The following SSC5D variants were observed in gnomAD, a reference collection of about 807,000 sequenced individuals.
SSC5D encodes the protein soluble scavenger receptor cysteine-rich domain-containing protein SSC5D.
SSC5D carries 106 observed loss-of-function variants against 104.6 expected under a neutral mutation model. The observed-to-expected ratio is 1.01, with a 90% CI of 0.87 to 1.19. The LOEUF (loss-of-function observed/expected upper bound fraction) is 1.19, where lower values mean the gene tolerates loss of function less well. Among genes scored for constraint, SSC5D ranks in the 50% most tolerant of loss-of-function variants. SSC5D has a pLI of 0.00. For missense variants in SSC5D, 1,993 were observed against 2,153.8 expected (o/e 0.93, Z 1.48); for synonymous variants, 860 against 883.5 (o/e 0.97, Z 0.47).
chr19:55,510,728 A>G lies in SSC5D; in HGVS notation c.2786-2283A>G, dbSNP rs142949642. ...TCTTTTTTCTTTTTTAATTAATAGT[A>G]CCACTAATGGTGGTGTTTTTGTTTT... On this transcript the variant is annotated intron_variant, in intron 12 of 13. Transcript: ENST00000389623. Among the ~76,000 whole-genome samples the G allele has an allele frequency of 1.2e-3, 180 of 151,700 alleles. 2 individuals carry two copies. The highest frequency in any genetic ancestry group is 3.7e-3 in the Admixed American group (57 of 15,200).
In SSC5D at chr19:55,498,081, T is replaced by C. The variant is rs964844532; in HGVS notation, c.1589T>C (p.Ile530Thr). Residue 530 changes from isoleucine to threonine, a missense_variant, in exon 9 of 14, where the codon ATC becomes ACC. Ile to Thr is a moderately conservative substitution (Grantham distance 89). Around this residue, in one of 6 missense-constraint regions of SSC5D, gnomAD observed 1,101 missense variants for 1,085.0 expected, o/e 1.01. Transcript: ENST00000389623. ...CGCTTTGGCTGGGGTGCGGGCCCCA[T>C]CTGGCTAGATGATGTGGGCTGTGTG... ...AGRFGWGAGPIWLDDVGCVGT... is the reference protein window; with the variant it reads ...AGRFGWGAGPTWLDDVGCVGT... 8 of 1,551,480 alleles carry C rather than the reference T, an allele frequency of 5.2e-6. No homozygotes were observed. Among genetic ancestry groups the C allele is most frequent in the Non-Finnish European group, 7.0e-6 (8 of 1,146,968 alleles).
At chr19:55,506,556 G>A (rs558803918) in intron 12 of SSC5D, among the ~76,000 whole-genome samples, 4 of 151,748 alleles carry the variant, frequency 2.6e-5, no homozygotes, top group Admixed American at 1.3e-4. Flanking sequence ...CACTATGCCC[G>A]GCTAATTTTT....
In SSC5D at chr19:55,489,378, C is replaced by A; in HGVS notation, c.77C>A (p.Pro26His). Residue 26 changes from proline to histidine, a missense_variant, in exon 3 of 14, where the codon CCC (proline) becomes CAC (histidine). By Grantham distance (77) the Pro-to-His change is moderately conservative (BLOSUM62 -2). Around this residue, in one of 6 missense-constraint regions of SSC5D, gnomAD observed 1,101 missense variants for 1,085.0 expected, o/e 1.01. Coordinates refer to ENST00000389623, the MANE Select transcript of SSC5D (RefSeq NM_001144950.2). ...GAGCGCCTGCGCCTGGCCGATGGCCCCCATGGGTGCGCTGGCCGCCTGGAG... is the reference window on the plus strand; with the variant it reads ...GAGCGCCTGCGCCTGGCCGATGGCCACCATGGGTGCGCTGGCCGCCTGGAG... ...AVERLRLADG[P>H]HGCAGRLEVW... is the part of the protein sequence containing the mutation. The A allele has an allele frequency of 6.8e-7, 1 of 1,475,224 alleles. No homozygotes were observed. 91.4% of individuals were successfully genotyped at this position (1,475,224 alleles called of 1,614,324 possible).
intron 12 of SSC5D, among the ~76,000 whole-genome samples, chr19:55,501,602 T>C (rs1832944536): frequency 6.6e-6 from 1 of 152,164 alleles, no homozygotes; most frequent in Admixed American, 6.5e-5. Context: ...GGGCCTGGTA[T>C]GGCTCAGAGG....
Position 55,488,569 on chromosome 19 carries a change from T to C in SSC5D, c.-21T>C. 6.8e-7 allele frequency: 1 copy of C among 1,459,904 alleles called. No homozygotes were observed. Among genetic ancestry groups the C allele is most frequent in the Non-Finnish European group, 9.2e-7 (1 of 1,088,972 alleles). The allele number at this position is 1,459,904 out of a possible 1,614,324, so 90.4% of individuals were successfully genotyped here. On this transcript the variant is annotated 5_prime_UTR_variant, in exon 1 of 14. Coordinates refer to ENST00000389623, the MANE Select transcript of SSC5D (RefSeq NM_001144950.2). Reference sequence around the variant, plus strand: ...CCGCTCTCCTTCCCCTTTCACCCCATCCCCTGCCCTGGCTGCAACCATGAG... The same window carrying C: ...CCGCTCTCCTTCCCCTTTCACCCCACCCCCTGCCCTGGCTGCAACCATGAG...
In SSC5D at chr19:55,503,067, C is replaced by T. The variant is rs1402998660; in HGVS notation, c.2785+1866C>T. 2.6e-5 allele frequency among the ~76,000 whole-genome samples: 4 copies of T among 152,064 alleles called. No individual in the cohort carries two copies. In the East Asian group the frequency reaches 5.8e-4, roughly 22 times the overall value. On this transcript the variant is annotated intron_variant, in intron 12 of 13. Coordinates refer to ENST00000389623, the MANE Select transcript of SSC5D (RefSeq NM_001144950.2). This position sits in a 1 kb window ranked among gnomAD's most constrained non-coding sequence, Gnocchi z 4.0. ...TGACCTCGTGATCCGCCTGCCTCGGCCTCCCAAAGTGCTGGGATTACAGGG... is the reference window on the plus strand; with the variant it reads ...TGACCTCGTGATCCGCCTGCCTCGGTCTCCCAAAGTGCTGGGATTACAGGG...
In SSC5D at chr19:55,498,074, G is replaced by A. The variant is rs1987372851; in HGVS notation, c.1582G>A (p.Gly528Ser). Reference sequence around the variant, plus strand: ...TGCTGGCCGCTTTGGCTGGGGTGCGGGCCCCATCTGGCTAGATGATGTGGG... The same window carrying A: ...TGCTGGCCGCTTTGGCTGGGGTGCGAGCCCCATCTGGCTAGATGATGTGGG... ...PAAGRFGWGA[G>S]PIWLDDVGCV... is the part of the protein sequence containing the mutation. Residue 528 changes from glycine to serine, a missense_variant, in exon 9 of 14, where the codon GGC becomes AGC. By Grantham distance (56) the Gly-to-Ser change is moderately conservative (BLOSUM62 0). This residue lies in a region of SSC5D where 1,101 missense variants were observed against 1,085.0 expected (regional missense o/e 1.01). Transcript: ENST00000389623. The A allele has an allele frequency of 6.4e-7, 1 of 1,551,620 alleles. No homozygotes were observed. Among genetic ancestry groups the A allele is most frequent in the East Asian group, 2.4e-5 (1 of 40,910 alleles).
chr19:55,518,819 C>A lies in SSC5D; in HGVS notation c.4543C>A (p.Arg1515=). Residue 1515 remains arginine, a synonymous_variant, in exon 14 of 14, where the codon CGG becomes AGG. Coordinates refer to ENST00000389623, the MANE Select transcript of SSC5D (RefSeq NM_001144950.2). ...QRLTQVVEQE[R]QERQALLLGL... Reference sequence around the variant, plus strand: ...ACTGACCCAGGTCGTGGAACAGGAGCGGCAGGAGCGCCAAGCCCTGCTGCT... The same window carrying A: ...ACTGACCCAGGTCGTGGAACAGGAGAGGCAGGAGCGCCAAGCCCTGCTGCT... 1.9e-6 allele frequency: 3 copies of A among 1,550,328 alleles called. No individual in the cohort carries two copies. The highest frequency in any genetic ancestry group is 2.6e-6 in the Non-Finnish European group (3 of 1,146,972).
At chr19:55,507,310 C>T (rs1281116327) in intron 12 of SSC5D, among the ~76,000 whole-genome samples, 1 of 140,814 alleles carries the variant, frequency 7.1e-6, no homozygotes, top group East Asian at 2.1e-4. Flanking sequence ...AGCCACTGCA[C>T]TGCAGCCTGG....
intron 8 of SSC5D, among the ~76,000 whole-genome samples, chr19:55,495,029 C>A (rs1987275062): frequency 6.6e-6 from 1 of 151,424 alleles, no homozygotes; most frequent in East Asian, 1.9e-4. Flanking sequence ...TGTAGCCAGT[C>A]CTGGATAAGA....
In SSC5D at chr19:55,518,765, G is replaced by A. The variant is rs1224583685; in HGVS notation, c.4489G>A (p.Val1497Met). The change falls in exon 14 of 14, where the codon GTG becomes ATG. Residue 1497 changes from valine to methionine, a missense_variant. Around this residue, in one of 6 missense-constraint regions of SSC5D, gnomAD observed 349 missense variants for 397.6 expected, o/e 0.88. Transcript: ENST00000389623. Reference protein sequence around the residue: ...PPALVELVAAVRDVGGQLQRL... With the variant: ...PPALVELVAAMRDVGGQLQRL... ...TGCCCTGGTGGAGCTGGTGGCTGCT[G>A]TGAGGGATGTGGGTGGTCAGCTGCA... 2 of 1,550,852 alleles carry A rather than the reference G, an allele frequency of 1.3e-6. No individual in the cohort carries two copies. The highest frequency in any genetic ancestry group is 3.9e-5 in the Admixed American group (2 of 51,010).
At chr19:55,502,583 C>T (rs1340365733) in intron 12 of SSC5D, among the ~76,000 whole-genome samples, 2 of 151,956 alleles carry the variant, frequency 1.3e-5, no homozygotes, top group African/African-American at 2.4e-5. Context: ...CTGTCTTTCC[C>T]CCTCAGTCTT....
chr19:55,495,233 A>ATAAT (rs1555765051), intron 8 of SSC5D, among the ~76,000 whole-genome samples: 1 of 50,664 alleles, frequency 2.0e-5, no homozygotes, highest in African/African-American at 9.8e-5. Context: ...ATATATATAT[A>ATAAT]TTTTTTTTTT....
intron 12 of SSC5D, among the ~76,000 whole-genome samples, chr19:55,511,691 G>A (rs990856698): frequency 2.0e-5 from 3 of 152,156 alleles, no homozygotes; most frequent in Admixed American, 6.5e-5. Flanking sequence ...AGGGTCCAGC[G>A]TGAGCAGAGC....
At chr19:55,509,997 CT>C (rs1213246191) in intron 12 of SSC5D, among the ~76,000 whole-genome samples, 14 of 147,206 alleles carry the variant, frequency 9.5e-5, no homozygotes, top group South Asian at 2.2e-4. Flanking sequence ...AATTTGTGTT[CT>C]TTTTTTTTTG....
At position 55,493,762 on chromosome 19, in the gene SSC5D, G is replaced by T. The variant is rs1460112909; in HGVS notation, c.1063G>T (p.Gly355Trp). ...CTGCGGAGGGGCGCTGGCCGCCCCCGGGGGCGCCTTCTTTGGGGAGGGGTC... is the reference window on the plus strand; with the variant it reads ...CTGCGGAGGGGCGCTGGCCGCCCCCTGGGGCGCCTTCTTTGGGGAGGGGTC... ...LGCGGALAAP[G>W]GAFFGEGSGP... Residue 355 changes from glycine to tryptophan, a missense_variant, in exon 7 of 14, where the codon GGG becomes TGG. Transcript: ENST00000389623. 57 of 1,528,516 alleles carry T rather than the reference G, an allele frequency of 3.7e-5. No individual in the cohort carries two copies. Among genetic ancestry groups the T allele is most frequent in the South Asian group, 1.3e-4 (11 of 82,450 alleles). 94.7% of individuals were successfully genotyped at this position (1,528,516 alleles called of 1,614,324 possible).
Position 55,517,495 on chromosome 19 carries a change from C to T in SSC5D, c.3219C>T (p.Thr1073=), listed in dbSNP as rs1186963633. The change falls in exon 14 of 14, where the codon ACC becomes ACT. Residue 1073 remains threonine, a synonymous_variant. Coordinates refer to ENST00000389623, the MANE Select transcript of SSC5D (RefSeq NM_001144950.2). ...CAAGCCCTGACTTTGCTTTGTCCAC[C>T]CCTGACTCCAGTGTGGTTCCCGCGT... ...ILTSPDFALS[T]PDSSVVPALT... 6.4e-7 allele frequency: 1 copy of T among 1,551,288 alleles called. No individual in the cohort carries two copies. Among genetic ancestry groups the T allele is most frequent in the East Asian group, 2.4e-5 (1 of 40,904 alleles).
chr19:55,515,690 C>T (rs913646596), intron 13 of SSC5D, among the ~76,000 whole-genome samples: 1 of 151,362 alleles, frequency 6.6e-6, no homozygotes, highest in African/African-American at 2.4e-5. Flanking sequence ...CGAGATCGTG[C>T]CACTGCACTC....
chr19:55,500,479 C>T lies in SSC5D; in HGVS notation c.2303-11C>T, dbSNP rs1815441852. 2.6e-6 allele frequency: 4 copies of T among 1,550,666 alleles called. No homozygotes were observed. The African/African-American group carries it at 5.5e-5, about 21-fold the overall frequency. ...TGACCCTCCCTCCTGACCTAAGGGC[C>T]TTCCACGCAGGCCTGTTCCGGGTTC... On this transcript the variant is annotated splice_polypyrimidine_tract_variant and intron_variant, in intron 10 of 13. Transcript: ENST00000389623. The surrounding 1 kb of genome is among the most constrained non-coding windows in gnomAD (Gnocchi z 4.6).
Sources: gnomAD v4.1 joint callset for allele counts (sites outside exome capture counted in the v4.1 genomes callset) on GRCh38, gnomAD v4.1.1 for gene constraint, gnomAD v4.1.1 regional missense constraint, Gnocchi (gnomAD v3.1) non-coding constraint, MANE v1.5 for transcripts, NCBI Gene and HGNC (gene_info 2026-07-23, HGNC 2026-07-21) for gene names.